Variants in GRM8 observed in about 807,000 individuals in gnomAD.
GRM8 encodes glutamate metabotropic receptor 8, also known as metabotropic glutamate receptor 8.
GRM8 carries 47 observed loss-of-function variants against 87.2 expected under a neutral mutation model. That is an observed-to-expected ratio of 0.54 (90% CI 0.43 to 0.69). The LOEUF is 0.69. Ranked by LOEUF, GRM8 falls within the 30% of genes least tolerant of loss-of-function variation. GRM8 has a pLI of 0.00. For missense variants in GRM8, 1,019 were observed against 1,139.2 expected (o/e 0.89, Z 1.52); for synonymous variants, 396 against 404.5 (o/e 0.98, Z 0.25).
intron 6 of GRM8, among the ~76,000 whole-genome samples, chr7:126,863,149 C>T (rs1798283307): frequency 6.6e-6 from 1 of 152,026 alleles, no homozygotes; most frequent in Non-Finnish European, 1.5e-5. Context: ...TTTATATATA[C>T]TATGTTCACT....
intron 7 of GRM8, among the ~76,000 whole-genome samples, chr7:126,702,326 G>A (rs1337739942): frequency 6.6e-6 from 1 of 150,494 alleles, no homozygotes; most frequent in East Asian, 1.9e-4. Context: ...CCTTCTGGCA[G>A]ACCATCATCT....
chr7:127,095,366 C>T (rs1426509980), intron 3 of GRM8, among the ~76,000 whole-genome samples: 2 of 152,112 alleles, frequency 1.3e-5, no homozygotes, highest in Non-Finnish European at 2.9e-5. Flanking sequence ...AAAATTGCTG[C>T]CAAGGGCATG....
chr7:126,695,301 T>C (rs1212636553), intron 7 of GRM8, among the ~76,000 whole-genome samples: 2 of 152,194 alleles, frequency 1.3e-5, no homozygotes, highest in Non-Finnish European at 2.9e-5. Flanking sequence ...AAATACCTAC[T>C]TTCTTCCAAG....
intron 9 of GRM8, among the ~76,000 whole-genome samples, chr7:126,448,268 A>G (rs1260361599): frequency 6.6e-6 from 1 of 151,914 alleles, no homozygotes; most frequent in African/African-American, 2.4e-5. Context: ...AACAAATCCA[A>G]CGACGAAACA....
chr7:127,156,096 T>C (rs1792712084), intron 2 of GRM8, among the ~76,000 whole-genome samples: 1 of 152,122 alleles, frequency 6.6e-6, no homozygotes, highest in South Asian at 2.1e-4. Context: ...GAAGAAACTC[T>C]GAGGAGAAAG....
intron 2 of GRM8, among the ~76,000 whole-genome samples, chr7:127,206,622 TCAGAAAACTCCCAGGCACATG>T (rs112220807): frequency 0.023 from 3,552 of 152,212 alleles, 127 homozygotes; most frequent in African/African-American, 0.08. Context: ...ACACAAAACT[TCAGAAAACTCCCAGGCACATG>T]CATGTCAAAT....
intron 6 of GRM8, among the ~76,000 whole-genome samples, chr7:126,855,310 C>T (rs923998394): frequency 1.8e-4 from 27 of 151,998 alleles, no homozygotes; most frequent in African/African-American, 5.6e-4. Context: ...AGCTAACTTG[C>T]ATATTTTATT....
At chr7:126,584,540 C>G (rs910989224) in intron 8 of GRM8, among the ~76,000 whole-genome samples, 4 of 152,200 alleles carry the variant, frequency 2.6e-5, no homozygotes, top group African/African-American at 9.7e-5. Flanking sequence ...GATGGCACAG[C>G]AGAAATTCCG....
intron 7 of GRM8, among the ~76,000 whole-genome samples, chr7:126,720,873 T>A (rs1216558403): frequency 6.6e-6 from 1 of 152,196 alleles, no homozygotes; most frequent in Non-Finnish European, 1.5e-5. Context: ...AAGAAGAGTA[T>A]GGGGAGACTC....
Position 126,533,634 on chromosome 7 carries a change from C to T in GRM8, c.1748G>A (p.Trp583Ter). ...TGCAACAAACACAGGCACCACAGCCCAGGGAGAATGCCACTCCAATTTGAT... is the reference window on the plus strand; with the variant it reads ...TGCAACAAACACAGGCACCACAGCCTAGGGAGAATGCCACTCCAATTTGAT... ...PIIKLEWHSP[W>*]AVVPVFVAIL... The change falls in exon 9 of 11, where the codon TGG becomes TAG. Residue 583 changes from tryptophan (W) to a stop codon, truncating the protein, a stop_gained. Coordinates refer to ENST00000339582, the MANE Select transcript of GRM8 (RefSeq NM_000845.3). LOFTEE classifies it high-confidence loss of function. 6.2e-7 allele frequency: 1 copy of T among 1,614,014 alleles called. No individual in the cohort carries two copies. The highest frequency in any genetic ancestry group is 1.7e-4 in the Middle Eastern group (1 of 6,058).
chr7:126,503,719 C>T (rs1809988729), intron 9 of GRM8, among the ~76,000 whole-genome samples: 2 of 152,034 alleles, frequency 1.3e-5, no homozygotes, highest in Non-Finnish European at 2.9e-5. Context: ...AGTTGCCACT[C>T]ACCAAATAGC....
At chr7:126,509,585 G>T (rs1562898503) in intron 9 of GRM8, among the ~76,000 whole-genome samples, 3 of 151,944 alleles carry the variant, frequency 2.0e-5, no homozygotes, top group Admixed American at 1.3e-4. Flanking sequence ...GGCACTTGAA[G>T]GTATCTGATT....
At chr7:126,814,212 A>G (rs1323801454) in intron 6 of GRM8, among the ~76,000 whole-genome samples, 3 of 152,112 alleles carry the variant, frequency 2.0e-5, no homozygotes, top group Non-Finnish European at 4.4e-5. Flanking sequence ...TTTTATCACC[A>G]ATAAGTTAAG....
chr7:126,504,641 G>A (rs1810167772), intron 9 of GRM8, among the ~76,000 whole-genome samples: 1 of 151,842 alleles, frequency 6.6e-6, no homozygotes, highest in African/African-American at 2.4e-5. Flanking sequence ...ATGTGCCCCT[G>A]AACCCAAAAT....
At chr7:126,958,593 C>A (rs1190779548) in intron 3 of GRM8, among the ~76,000 whole-genome samples, 1 of 152,106 alleles carries the variant, frequency 6.6e-6, no homozygotes, top group East Asian at 1.9e-4. Context: ...TCGCCCGGCC[C>A]GCCCTTAGCA....
At chr7:126,988,010 C>T (rs1450109116) in intron 3 of GRM8, among the ~76,000 whole-genome samples, 1 of 152,134 alleles carries the variant, frequency 6.6e-6, no homozygotes, top group Non-Finnish European at 1.5e-5. Context: ...ATGGTCCTCT[C>T]CATCTTGGCA....
At position 126,821,819 on chromosome 7, in the gene GRM8, G is replaced by A. The variant is rs185965112; in HGVS notation, c.1157-51754C>T. Among the ~76,000 whole-genome samples the A allele has an allele frequency of 2.0e-4, 30 of 152,064 alleles. No homozygotes were observed. The East Asian group carries it at 3.5e-3, about 18-fold the overall frequency. ...CTATATTAAATTACAGGCCTTTTCC[G>A]GATCTGACCAGTTTTTTCATAATGT... On this transcript the variant is annotated intron_variant, in intron 6 of 10. Transcript: ENST00000339582.
chr7:126,680,216 T>A (rs1413466496), intron 7 of GRM8, among the ~76,000 whole-genome samples: 1 of 152,096 alleles, frequency 6.6e-6, no homozygotes, highest in Non-Finnish European at 1.5e-5. Flanking sequence ...TATGAGATTA[T>A]GAATAGAAAA....
At chr7:126,871,086 A>G (rs1434938855) in intron 6 of GRM8, among the ~76,000 whole-genome samples, 1 of 152,188 alleles carries the variant, frequency 6.6e-6, no homozygotes, top group African/African-American at 2.4e-5. Flanking sequence ...AAGAAATCAT[A>G]GGAAAGAAAT....
Sources: gnomAD v4.1 joint callset for allele counts (sites outside exome capture counted in the v4.1 genomes callset) on GRCh38, gnomAD v4.1.1 for gene constraint, MANE v1.5 for transcripts, NCBI Gene and HGNC (gene_info 2026-07-23, HGNC 2026-07-21) for gene names.